The following PLAAT3 variants were observed in gnomAD, a reference collection of about 807,000 sequenced individuals.
The protein encoded by PLAAT3 is Ca-independent phospholipase A1/2.
In PLAAT3, 21 loss-of-function variants were observed where a neutral mutation model predicts 16.7. The ratio of observed to expected loss-of-function variants is 1.26; its 90% CI spans 0.89 to 1.81. The LOEUF is 1.81. PLAAT3 is among the 40% of genes most tolerant of loss of function. The probability of loss-of-function intolerance (pLI) is 0.00; values close to 1 mark genes in which losing one functional copy is unlikely to be tolerated. For missense variants in PLAAT3, 219 were observed against 213.7 expected, an observed-to-expected ratio of 1.02 and a Z score of -0.16; for synonymous variants, 76 against 81.7, an observed-to-expected ratio of 0.93 and a Z score of 0.38.
chr11:63,592,325 C>T (rs191775117), intron 3 of PLAAT3, among the ~76,000 whole-genome samples: 11 of 152,196 alleles, frequency 7.2e-5, no homozygotes, highest in Admixed American at 7.2e-4. Flanking sequence ...CACCACCATG[C>T]CCAGCTAATT....
At chr11:63,588,382 G>A (rs1938040913) in intron 4 of PLAAT3, among the ~76,000 whole-genome samples, 1 of 152,134 alleles carries the variant, frequency 6.6e-6, no homozygotes, top group Non-Finnish European at 1.5e-5. Context: ...AAATAAAATT[G>A]TTTTAAGAAA....
intron 2 of PLAAT3, among the ~76,000 whole-genome samples, chr11:63,604,724 T>A (rs10792420): frequency 6.6e-6 from 1 of 151,754 alleles, no homozygotes; most frequent in Non-Finnish European, 1.5e-5. Flanking sequence ...GATGATGCCA[T>A]TGCACTCCAA....
chr11:63,601,980 CA>C (rs71468636), intron 2 of PLAAT3, among the ~76,000 whole-genome samples: 3 of 99,406 alleles, frequency 3.0e-5, no homozygotes, highest in African/African-American at 4.0e-5. Flanking sequence ...AACTCTGTCT[CA>C]AAAAAAAAAA....
intron 2 of PLAAT3, among the ~76,000 whole-genome samples, chr11:63,605,084 C>T (rs1938522507): frequency 1.3e-5 from 2 of 152,154 alleles, no homozygotes; most frequent in Middle Eastern, 3.4e-3. Context: ...CATTTTATCA[C>T]GAAAAATTTT....
rs565324028 is a variant in PLAAT3 at position 63,589,339 on chromosome 11, C to G, written c.387+761G>C. Among the ~76,000 whole-genome samples the G allele has an allele frequency of 4.0e-4, 58 of 144,234 alleles. 2 individuals are homozygous for G. The South Asian group carries it at 0.013, about 31-fold the overall frequency. The allele number at this position is 144,234 out of a possible 152,430, so 94.6% of individuals were successfully genotyped here. A position where few individuals can be genotyped will look rare whatever the true frequency, so the allele number is the denominator to read the frequency against. ...TGATGGATCTTAAGCTAATCATTCA[C>G]TGAAAAAAATATGTATTCTTTTGCA... On this transcript the variant is annotated intron_variant, in intron 4 of 4. Transcript: ENST00000415826.
intron 3 of PLAAT3, among the ~76,000 whole-genome samples, chr11:63,594,390 A>G (rs1418272805): frequency 1.3e-5 from 2 of 152,176 alleles, no homozygotes; most frequent in African/African-American, 2.4e-5. Context: ...AGCCCACACA[A>G]GAGACCAAAA....
At chr11:63,577,599 A>C (rs895153142) in intron 4 of PLAAT3, among the ~76,000 whole-genome samples, 1 of 152,252 alleles carries the variant, frequency 6.6e-6, no homozygotes. Context: ...CTAGAAAAGA[A>C]AACATCCTTT....
intron 4 of PLAAT3, among the ~76,000 whole-genome samples, chr11:63,580,437 C>CCT (rs1243409635): frequency 1.3e-5 from 2 of 152,100 alleles, no homozygotes; most frequent in African/African-American, 2.4e-5. Flanking sequence ...GGGTGGATCA[C>CCT]GAGGTCAGGA....
intron 2 of PLAAT3, among the ~76,000 whole-genome samples, chr11:63,611,686 A>G (rs145751521): frequency 1.8e-3 from 269 of 152,344 alleles, no homozygotes; most frequent in African/African-American, 5.5e-3. Flanking sequence ...CCTGTCTCCC[A>G]GTGCCAAAAG....
At chr11:63,588,129 G>C (rs1365342731) in intron 4 of PLAAT3, among the ~76,000 whole-genome samples, 1 of 152,088 alleles carries the variant, frequency 6.6e-6, no homozygotes, top group Admixed American at 6.5e-5. Flanking sequence ...GAGTGCAGTG[G>C]TGTGATCTCG....
At chr11:63,588,796 C>G (rs1394954239) in intron 4 of PLAAT3, among the ~76,000 whole-genome samples, 1 of 151,688 alleles carries the variant, frequency 6.6e-6, no homozygotes, top group Non-Finnish European at 1.5e-5. Flanking sequence ...AACTAATATC[C>G]CACTGTAGAC....
chr11:63,581,151 T>C (rs1428149452), intron 4 of PLAAT3, among the ~76,000 whole-genome samples: 2 of 152,198 alleles, frequency 1.3e-5, no homozygotes, highest in African/African-American at 4.8e-5. Flanking sequence ...AAAATATGTG[T>C]GTTTGAACAA....
chr11:63,577,422 G>A (rs910922384), intron 4 of PLAAT3, among the ~76,000 whole-genome samples: 20 of 152,000 alleles, frequency 1.3e-4, no homozygotes, highest in African/African-American at 4.1e-4. Flanking sequence ...CACCAGCCTC[G>A]GCCTCCCAAA....
chr11:63,599,185 T>C (rs1168939807), intron 2 of PLAAT3, among the ~76,000 whole-genome samples: 1 of 152,174 alleles, frequency 6.6e-6, no homozygotes, highest in Non-Finnish European at 1.5e-5. Context: ...GAAATCAACC[T>C]TTCAGAACAC....
chr11:63,613,626 G>C (rs1278017287), intron 2 of PLAAT3, among the ~76,000 whole-genome samples: 1 of 152,224 alleles, frequency 6.6e-6, no homozygotes, highest in Admixed American at 6.5e-5. Flanking sequence ...CGCTGGCAGG[G>C]CTGGTCATGG....
chr11:63,603,737 C>A, intron 2 of PLAAT3, among the ~76,000 whole-genome samples: 1 of 143,798 alleles, frequency 7.0e-6, no homozygotes, highest in South Asian at 2.4e-4. Flanking sequence ...CACACACACA[C>A]ACACACACAC....
At chr11:63,593,115 T>C (rs1938193248) in intron 3 of PLAAT3, among the ~76,000 whole-genome samples, 1 of 152,184 alleles carries the variant, frequency 6.6e-6, no homozygotes, top group African/African-American at 2.4e-5. Context: ...TGCCGGGCCT[T>C]GTCCAAGGTG....
intron 2 of PLAAT3, among the ~76,000 whole-genome samples, chr11:63,605,413 CAAAGTT>C (rs1938529687): frequency 6.6e-6 from 1 of 151,946 alleles, no homozygotes; most frequent in Non-Finnish European, 1.5e-5. Flanking sequence ...CAAAACAAAA[CAAAGTT>C]AAAGGAAGTT....
chr11:63,582,185 C>G (rs1162677873), intron 4 of PLAAT3, among the ~76,000 whole-genome samples: 1 of 152,194 alleles, frequency 6.6e-6, no homozygotes, highest in Non-Finnish European at 1.5e-5. Flanking sequence ...TACTGTGTTT[C>G]TAACCTAAAG....
Sources: gnomAD v4.1 joint callset for allele counts (sites outside exome capture counted in the v4.1 genomes callset) on GRCh38, gnomAD v4.1.1 for gene constraint, MANE v1.5 for transcripts, NCBI Gene and HGNC (gene_info 2026-07-23, HGNC 2026-07-21) for gene names.